C11orf16: variants seen among roughly 807,000 people sequenced by gnomAD.
C11orf16 encodes the protein chromosome 11 open reading frame 16, also known as uncharacterized protein C11orf16.
C11orf16 carries 38 observed loss-of-function variants against 45.1 expected under a neutral mutation model. The ratio of observed to expected loss-of-function variants is 0.84; its 90% CI spans 0.65 to 1.10. The LOEUF is 1.10. Among genes scored for constraint, C11orf16 ranks in the 50% least tolerant of loss-of-function variants. The pLI is 0.00. For synonymous variants in C11orf16, 221 were observed against 222.0 expected (o/e 1.00, Z 0.04); for missense variants, 583 against 569.5 (o/e 1.02, Z -0.24).
chr11:8,921,540 G>A (rs769697376), intron 5 of C11orf16, 25 bp from the exon 6 acceptor site: 1 of 1,600,264 alleles, frequency 6.2e-7, no homozygotes, highest in African/African-American at 1.3e-5. Context: ...CAATTACTTA[G>A]GTTGAATATG....
chr11:8,924,755 AG>A (rs2064598366), intron 5 of C11orf16, among the ~76,000 whole-genome samples: 2 of 152,092 alleles, frequency 1.3e-5, no homozygotes, highest in Non-Finnish European at 1.5e-5. Flanking sequence ...AATCTTGTCA[AG>A]GGCCAGACTT....
chr11:8,928,606 T>G (rs1326850657), intron 3 of C11orf16, among the ~76,000 whole-genome samples: 1 of 152,176 alleles, frequency 6.6e-6, no homozygotes, highest in East Asian at 1.9e-4. Context: ...GCTCAAGTGA[T>G]CTTCCTGCCT....
In C11orf16 at chr11:8,926,945, TG is replaced by T. The variant is rs1278407847; in HGVS notation, c.553del (p.Gln185ArgfsTer23). The T allele has an allele frequency of 6.2e-7, 1 of 1,613,128 alleles. No homozygotes were observed. The highest frequency in any genetic ancestry group is 1.1e-5 in the South Asian group (1 of 91,018). ...GTCAGAGCAGCTTCTCTTACCTCTCTGGGGATCTCTCATCTCCAAGCCCAAA... is the reference window on the plus strand; with the variant it reads ...GTCAGAGCAGCTTCTCTTACCTCTCTGGGATCTCTCATCTCCAAGCCCAAA... ...VLLGLEMRDPQRASKEKEITV... is the reference protein window; with the variant it reads ...VLLGLEMRDPXRASKEKEITV... On this transcript the variant is annotated frameshift_variant, in exon 4 of 7. Coordinates refer to ENST00000326053, the MANE Select transcript of C11orf16 (RefSeq NM_020643.3). LOFTEE classifies it high-confidence loss of function.
At position 8,932,378 on chromosome 11, in the gene C11orf16, C is replaced by CCA. The variant is rs1300052801; in HGVS notation, c.-18-54_-18-53dup. On this transcript the variant is annotated intron_variant, in intron 1 of 6. Coordinates refer to ENST00000326053, the MANE Select transcript of C11orf16 (RefSeq NM_020643.3). ...AGCTGCAGCTTGAAGCAAGCAGTGGCCACCGGGGCGAGGCAGGGCTCAGCT... is the reference window on the plus strand; with the variant it reads ...AGCTGCAGCTTGAAGCAAGCAGTGGCCACACCGGGGCGAGGCAGGGCTCAGCT... 5.5e-6 allele frequency: 8 copies of CCA among 1,453,758 alleles called. No individual in the cohort carries two copies. The South Asian group carries it at 1.1e-4, about 20-fold the overall frequency. 90.1% of individuals were successfully genotyped at this position (1,453,758 alleles called of 1,614,324 possible). A position where few individuals can be genotyped will look rare whatever the true frequency, so the allele number is the denominator to read the frequency against.
intron 1 of C11orf16, 54 bp from the exon 2 acceptor site, chr11:8,932,380 A>C: frequency 3.4e-6 from 5 of 1,449,748 alleles, no homozygotes; most frequent in Non-Finnish European, 4.6e-6. Context: ...AGCAGTGGCC[A>C]CCGGGGCGAG....
intron 5 of C11orf16, among the ~76,000 whole-genome samples, chr11:8,922,945 A>G (rs1589931701): frequency 6.6e-6 from 1 of 152,194 alleles, no homozygotes; most frequent in African/African-American, 2.4e-5. Context: ...CATGCTCTCC[A>G]TATATTTGGG....
In C11orf16 at chr11:8,925,797, C is replaced by T. The variant is rs765273949; in HGVS notation, c.870G>A (p.Thr290=). The T allele has an allele frequency of 1.4e-5, 22 of 1,614,094 alleles. No homozygotes were observed. The highest frequency in any genetic ancestry group is 1.6e-4 in the Middle Eastern group (1 of 6,084). Residue 290 remains threonine, a synonymous_variant, in exon 5 of 7, where the codon ACG becomes ACA. Coordinates refer to ENST00000326053, the MANE Select transcript of C11orf16 (RefSeq NM_020643.3). ...AGGTCCTGGTTAGAGGCCACCAAGT[C>T]GTGCCACATGGCGGGCAGCCACAGA... The part of the protein sequence containing the change: ...GCLCGCPPCG[T]TWWPLTRTSE...
intron 4 of C11orf16, 80 bp from the exon 5 acceptor site, chr11:8,926,187 T>TTTC: frequency 4.6e-6 from 2 of 438,394 alleles, no homozygotes; most frequent in Non-Finnish European, 2.9e-6. Context: ...TTTCTTTTCT[T>TTTC]TTTTTTTTTT....
chr11:8,920,652 C>T (rs1199543766), intron 6 of C11orf16, among the ~76,000 whole-genome samples: 4 of 152,180 alleles, frequency 2.6e-5, no homozygotes, highest in African/African-American at 9.7e-5. Context: ...GAGACCCTAT[C>T]TCTACAAAAA....
chr11:8,925,803 A>C lies in C11orf16; in HGVS notation c.864T>G (p.Cys288Trp). 3 of 1,614,166 alleles carry C rather than the reference A, an allele frequency of 1.9e-6. No homozygotes were observed. The highest frequency in any genetic ancestry group is 2.2e-5 in the East Asian group (1 of 44,886). ...TGGTTAGAGGCCACCAAGTCGTGCCACATGGCGGGCAGCCACAGAGGCAGC... is the reference window on the plus strand; with the variant it reads ...TGGTTAGAGGCCACCAAGTCGTGCCCCATGGCGGGCAGCCACAGAGGCAGC... ...CQGCLCGCPPCGTTWWPLTRT... is the reference protein window; with the variant it reads ...CQGCLCGCPPWGTTWWPLTRT... Residue 288 changes from cysteine (C) to tryptophan (W), a missense_variant, in exon 5 of 7, where the codon TGT (cysteine) becomes TGG (tryptophan). By Grantham distance (215) the Cys-to-Trp change is radical. Coordinates refer to ENST00000326053, the MANE Select transcript of C11orf16 (RefSeq NM_020643.3).
In C11orf16 at chr11:8,928,083, T is replaced by C. The variant is rs1053845859; in HGVS notation, c.325-909A>G. On this transcript the variant is annotated intron_variant, in intron 3 of 6. Transcript: ENST00000326053. ...CCACCTGGCTCAGCTAATTTTTGTA[T>C]ATTTAGTAGAGACGGGGTGTCACCA... is the stretch of plus-strand genomic sequence containing the variant. Among the ~76,000 whole-genome samples, 3 of 152,034 alleles carry C rather than the reference T, an allele frequency of 2.0e-5. No homozygotes were observed. The South Asian group carries it at 6.2e-4, about 32-fold the overall frequency.
At chr11:8,925,428 C>CT in intron 5 of C11orf16, 35 bp downstream of exon 5, 2 of 1,584,836 alleles carry the variant, frequency 1.3e-6, no homozygotes, top group Non-Finnish European at 1.7e-6. Flanking sequence ...GCCCCAGCCC[C>CT]TGCCTTAGAA....
At chr11:8,923,086 A>G (rs1011183780) in intron 5 of C11orf16, among the ~76,000 whole-genome samples, 2 of 152,252 alleles carry the variant, frequency 1.3e-5, no homozygotes, top group Non-Finnish European at 2.9e-5. Context: ...TAGTCAATTA[A>G]TAGAATTTAT....
In C11orf16 at chr11:8,932,230, C is replaced by T. The variant is rs755708432; in HGVS notation, c.79G>A (p.Asp27Asn). The stretch of plus-strand genomic sequence containing the variant: ...AGGTCCCAAGGTGGAGCAGCACCGT[C>T]CCAGCCAGGGGCCTTCAGGCTTGTG... ...VATSLKAPGWDGAAPPWDLSF... is the reference protein window; with the variant it reads ...VATSLKAPGWNGAAPPWDLSF... Residue 27 changes from aspartate to asparagine, a missense_variant, in exon 2 of 7, where the codon GAC (aspartate) becomes AAC (asparagine). Coordinates refer to ENST00000326053, the MANE Select transcript of C11orf16 (RefSeq NM_020643.3). The T allele has an allele frequency of 6.2e-6, 10 of 1,608,380 alleles. No individual in the cohort carries two copies. The South Asian group carries it at 1.1e-4, about 18-fold the overall frequency.
intron 5 of C11orf16, among the ~76,000 whole-genome samples, chr11:8,924,872 A>G (rs959462410): frequency 6.6e-6 from 1 of 152,198 alleles, no homozygotes; most frequent in African/African-American, 2.4e-5. Context: ...GGCCCGCCAC[A>G]CAGTTCTCAG....
intron 2 of C11orf16, among the ~76,000 whole-genome samples, chr11:8,930,864 C>T (rs2064645215): frequency 6.6e-6 from 1 of 152,132 alleles, no homozygotes; most frequent in Admixed American, 6.5e-5. Context: ...CAGCCTCCTT[C>T]CTGTGCTTGT....
intron 5 of C11orf16, among the ~76,000 whole-genome samples, chr11:8,924,994 G>A (rs542117601): frequency 2.6e-5 from 4 of 152,288 alleles, no homozygotes; most frequent in South Asian, 4.1e-4. Context: ...GGTCCTCCCC[G>A]CTCACTTACT....
At chr11:8,927,506 G>C (rs775368780) in intron 3 of C11orf16, 1 of 423,944 alleles carries the variant, frequency 2.4e-6, no homozygotes, top group Non-Finnish European at 4.6e-6. Flanking sequence ...GAGTTACCTG[G>C]GTCCTCCCTG....
intron 3 of C11orf16, 29 bp downstream of exon 3, chr11:8,929,348 C>G: frequency 2.5e-6 from 4 of 1,606,416 alleles, no homozygotes; most frequent in Non-Finnish European, 3.4e-6. Context: ...GAGGAGCACG[C>G]CAGGGAGATA....
Sources: gnomAD v4.1 joint callset for allele counts (sites outside exome capture counted in the v4.1 genomes callset) on GRCh38, gnomAD v4.1.1 for gene constraint, MANE v1.5 for transcripts, NCBI Gene and HGNC (gene_info 2026-07-23, HGNC 2026-07-21) for gene names.